Variants in SHISA9 observed in about 807,000 individuals in gnomAD.
SHISA9 encodes protein shisa-9.
Under a neutral mutation model 38.0 loss-of-function variants are expected in SHISA9, and 13 were observed. The observed-to-expected ratio is 0.34, with a 90% CI of 0.22 to 0.54. The LOEUF is 0.54. Ranked by LOEUF, SHISA9 falls within the 20% of genes least tolerant of loss-of-function variation. The pLI is 0.91. For missense variants in SHISA9, 538 were observed against 575.8 expected (o/e 0.93, Z 0.67); for synonymous variants, 275 against 242.0 (o/e 1.14, Z -1.27).
the SHISA9 span, among the ~76,000 whole-genome samples, chr16:13,370,329 A>T: frequency 2.6e-5 from 4 of 152,242 alleles, no homozygotes; most frequent in African/African-American, 4.8e-5. Flanking sequence ...TAAGGAAATC[A>T]TATGATATGG....
the SHISA9 span, among the ~76,000 whole-genome samples, chr16:13,285,909 TCTTCTAC>T: frequency 5.3e-5 from 8 of 152,142 alleles, no homozygotes; most frequent in Non-Finnish European, 8.8e-5. Context: ...TGTGTATTTA[TCTTCTAC>T]CATTTTAGTC....
chr16:13,298,899 C>T, the SHISA9 span, among the ~76,000 whole-genome samples: 1 of 152,198 alleles, frequency 6.6e-6, no homozygotes, highest in African/African-American at 2.4e-5. Flanking sequence ...TGTAGTTTCC[C>T]TTCTGCACAC....
chr16:13,006,754 G>T (rs957478221), intron 2 of SHISA9, among the ~76,000 whole-genome samples: 4 of 152,152 alleles, frequency 2.6e-5, no homozygotes, highest in African/African-American at 9.7e-5. Flanking sequence ...CACTGATTCT[G>T]TTGTACCCTC....
chr16:13,300,719 C>T, the SHISA9 span, among the ~76,000 whole-genome samples: 1 of 152,064 alleles, frequency 6.6e-6, no homozygotes, highest in Non-Finnish European at 1.5e-5. Context: ...CCCTGCTGGC[C>T]CCAAGCCAAG....
At chr16:12,933,147 T>C (rs752134626) in intron 2 of SHISA9, among the ~76,000 whole-genome samples, 5 of 152,216 alleles carry the variant, frequency 3.3e-5, no homozygotes, top group Non-Finnish European at 5.9e-5. Context: ...AATGAATATA[T>C]GAATGAATAA....
chr16:13,316,905 G>A, the SHISA9 span, among the ~76,000 whole-genome samples: 17 of 152,214 alleles, frequency 1.1e-4, no homozygotes, highest in African/African-American at 3.9e-4. Flanking sequence ...CCTGATGCAA[G>A]CCCATGCACC....
the SHISA9 span, among the ~76,000 whole-genome samples, chr16:13,327,160 C>T: frequency 0.3 from 46,067 of 152,044 alleles, 7,289 homozygotes; most frequent in East Asian, 0.49. Flanking sequence ...ACTTTTTTAA[C>T]GTACCAAGCC....
the SHISA9 span, among the ~76,000 whole-genome samples, chr16:13,311,974 C>G: frequency 6.6e-6 from 1 of 152,144 alleles, no homozygotes; most frequent in Non-Finnish European, 1.5e-5. Context: ...TATTTTTCTC[C>G]TGAGAAAAGT....
the SHISA9 span, among the ~76,000 whole-genome samples, chr16:13,374,238 A>G: frequency 6.6e-6 from 1 of 151,010 alleles, no homozygotes; most frequent in Non-Finnish European, 1.5e-5. Flanking sequence ...ACATATGTAT[A>G]CATGTGCCAT....
chr16:13,473,760 G>C, the SHISA9 span, among the ~76,000 whole-genome samples: 1 of 152,100 alleles, frequency 6.6e-6, no homozygotes, highest in South Asian at 2.1e-4. Context: ...TTACCTCTCT[G>C]GACTTCAGTA....
At chr16:13,289,806 G>A in the SHISA9 span, among the ~76,000 whole-genome samples, 7 of 152,134 alleles carry the variant, frequency 4.6e-5, no homozygotes, top group African/African-American at 1.4e-4. Context: ...ATCACTGTAA[G>A]CAACTCTAAC....
At chr16:13,214,301 A>G (rs968347911) in intron 4 of SHISA9, among the ~76,000 whole-genome samples, 1 of 152,194 alleles carries the variant, frequency 6.6e-6, no homozygotes, top group African/African-American at 2.4e-5. Context: ...TCCCAGGTTC[A>G]AGGGATTCTC....
chr16:13,370,796 T>C, the SHISA9 span, among the ~76,000 whole-genome samples: 1 of 152,146 alleles, frequency 6.6e-6, no homozygotes, highest in Non-Finnish European at 1.5e-5. Flanking sequence ...TTAGTAAGGT[T>C]CTGAAGGACT....
the SHISA9 span, among the ~76,000 whole-genome samples, chr16:13,371,474 T>C: frequency 6.6e-6 from 1 of 152,140 alleles, no homozygotes; most frequent in Non-Finnish European, 1.5e-5. Context: ...CTGTGGTTCA[T>C]TTGATGTGGG....
chr16:13,012,164 T>G (rs1315976247), intron 2 of SHISA9, among the ~76,000 whole-genome samples: 1 of 152,018 alleles, frequency 6.6e-6, no homozygotes, highest in Non-Finnish European at 1.5e-5. Context: ...CACATATAAG[T>G]GAGATCACAC....
intron 2 of SHISA9, among the ~76,000 whole-genome samples, chr16:13,048,077 G>T (rs1359539883): frequency 6.6e-6 from 1 of 152,138 alleles, no homozygotes; most frequent in Non-Finnish European, 1.5e-5. Flanking sequence ...TATTATTCTG[G>T]GAGACCACGC....
In SHISA9 at chr16:13,200,645, CT is replaced by C. The variant is rs1252711254; in HGVS notation, c.692-2745del. Among the ~76,000 whole-genome samples, 3 of 80,608 alleles carry C rather than the reference CT, an allele frequency of 3.7e-5. 1 individual carries two copies. The East Asian group carries it at 7.1e-4, about 19-fold the overall frequency. 52.9% of individuals were successfully genotyped at this position (80,608 alleles called of 152,430 possible). The stretch of plus-strand genomic sequence containing the variant: ...GGTGAAAGCCATACCTTATCAACAC[CT>C]TTTCTACTGTTACTTTATTAATCCT... On this transcript the variant is annotated intron_variant, in intron 2 of 4. Coordinates refer to ENST00000558583, the MANE Select transcript of SHISA9 (RefSeq NM_001145204.3).
In SHISA9 at chr16:13,238,989, C is replaced by T. The variant is rs1232406933; in HGVS notation, c.*3580C>T. On this transcript the variant is annotated 3_prime_UTR_variant, in exon 5 of 5. Transcript: ENST00000558583. Reference sequence around the variant, plus strand: ...TCCTAATGCTATCCCTCCCCCCTCCCCCCACCCCACAACAGTCCCCAGAGT... The same window carrying T: ...TCCTAATGCTATCCCTCCCCCCTCCTCCCACCCCACAACAGTCCCCAGAGT... 1 of 98,810 alleles carries T rather than the reference C, an allele frequency of 1.0e-5. No homozygotes were observed. The highest frequency in any genetic ancestry group is 3.9e-5 in the African/African-American group (1 of 25,934). 6.1% of individuals were successfully genotyped at this position (98,810 alleles called of 1,614,324 possible).
intron 2 of SHISA9, among the ~76,000 whole-genome samples, chr16:13,039,714 A>T (rs780293657): frequency 2.6e-5 from 4 of 152,128 alleles, no homozygotes; most frequent in Non-Finnish European, 4.4e-5. Flanking sequence ...GTGTACAGGG[A>T]ATGCACAAAC....
Sources: allele counts gnomAD v4.1 joint callset (sites outside exome capture counted in the v4.1 genomes callset), GRCh38; gene constraint gnomAD v4.1.1; transcripts MANE v1.5; gene names NCBI Gene and HGNC (gene_info 2026-07-23, HGNC 2026-07-21).